The following NUP93 variants were observed in gnomAD, a reference collection of about 807,000 sequenced individuals.
NUP93 encodes the protein nucleoporin 93.
In NUP93, 55 loss-of-function variants were observed where a neutral mutation model predicts 107.8. That is an observed-to-expected ratio of 0.51 (90% CI 0.41 to 0.64). The LOEUF (loss-of-function observed/expected upper bound fraction) is 0.64. Among genes scored for constraint, NUP93 ranks in the 30% least tolerant of loss-of-function variants. The probability of loss-of-function intolerance (pLI) is 0.00; values close to 1 mark genes in which losing one functional copy is unlikely to be tolerated. For synonymous variants in NUP93, 390 were observed against 397.5 expected (o/e 0.98, Z 0.22); for missense variants, 937 against 1,044.7 (o/e 0.90, Z 1.42).
At chr16:56,823,899 T>G (rs1454902243) in intron 8 of NUP93, 53 bp downstream of exon 8, 4 of 1,592,870 alleles carry the variant, frequency 2.5e-6, no homozygotes, top group Non-Finnish European at 2.6e-6. Flanking sequence ...TGCAGTCAAC[T>G]GTTTCTCAGA....
chr16:56,753,104 G>A (rs1254019053), intron 2 of NUP93, among the ~76,000 whole-genome samples: 4 of 152,090 alleles, frequency 2.6e-5, no homozygotes, highest in African/African-American at 9.7e-5. Flanking sequence ...GATCGCCTTT[G>A]GAGAATACTA....
intron 3 of NUP93, among the ~76,000 whole-genome samples, chr16:56,771,786 T>C (rs1428266719): frequency 6.6e-6 from 1 of 152,246 alleles, no homozygotes; most frequent in Non-Finnish European, 1.5e-5. Context: ...TTTTCCTTTA[T>C]GTGACTTGGT....
chr16:56,779,142 G>C (rs1962467814), intron 3 of NUP93, among the ~76,000 whole-genome samples: 1 of 152,176 alleles, frequency 6.6e-6, no homozygotes, highest in South Asian at 2.1e-4. Flanking sequence ...TGGAGAACCT[G>C]GCAGAAGACA....
chr16:56,805,840 C>T (rs1399957599), intron 5 of NUP93, among the ~76,000 whole-genome samples: 2 of 151,978 alleles, frequency 1.3e-5, no homozygotes, highest in Admixed American at 6.6e-5. Context: ...GAGCTTTCCT[C>T]AAATTCCCTG....
At chr16:56,840,370 A>AC (rs1381110558) in intron 20 of NUP93, among the ~76,000 whole-genome samples, 1 of 152,114 alleles carries the variant, frequency 6.6e-6, no homozygotes, top group East Asian at 1.9e-4. Flanking sequence ...GTAAGCTATC[A>AC]CCCCATAAGC....
At chr16:56,749,029 A>G (rs1357001881) in intron 2 of NUP93, among the ~76,000 whole-genome samples, 2 of 152,236 alleles carry the variant, frequency 1.3e-5, no homozygotes, top group South Asian at 2.1e-4. Context: ...AAAAGTGCTG[A>G]CTGACTGAGC....
At chr16:56,780,487 GT>G (rs1359869709) in intron 3 of NUP93, among the ~76,000 whole-genome samples, 37 of 152,036 alleles carry the variant, frequency 2.4e-4, no homozygotes, top group Admixed American at 1.0e-3. Flanking sequence ...TTTACTTGGG[GT>G]TTTTTGTTTG....
chr16:56,823,251 C>G (rs767155794), intron 7 of NUP93, among the ~76,000 whole-genome samples: 5 of 152,128 alleles, frequency 3.3e-5, no homozygotes, highest in Non-Finnish European at 7.4e-5. Context: ...AGGACAAAAA[C>G]CTGTATTATT....
intron 1 of NUP93, among the ~76,000 whole-genome samples, chr16:56,738,665 AT>A (rs1448468318): frequency 1.3e-5 from 2 of 152,054 alleles, no homozygotes; most frequent in East Asian, 1.9e-4. Context: ...TCAAGATTTA[AT>A]TTTTTTGGGG....
intron 3 of NUP93, chr16:56,783,980 G>T (rs960799528): frequency 1.3e-6 from 1 of 762,172 alleles, no homozygotes. Context: ...AAAGTGTAAC[G>T]CAGAGGTTCT....
At chr16:56,834,478 T>C (rs998308992) in intron 15 of NUP93, 36 bp downstream of exon 15, 2 of 1,603,164 alleles carry the variant, frequency 1.2e-6, no homozygotes, top group Non-Finnish European at 1.7e-6. Context: ...CCCCATGGTT[T>C]TCAGTGTGCA....
At chr16:56,764,645 T>A (rs1962186609) in intron 3 of NUP93, among the ~76,000 whole-genome samples, 1 of 152,214 alleles carries the variant, frequency 6.6e-6, no homozygotes, top group Non-Finnish European at 1.5e-5. Flanking sequence ...ACTAATTGGA[T>A]GTTTGTAGTA....
chr16:56,824,172 C>T (rs1963609520), intron 8 of NUP93, among the ~76,000 whole-genome samples: 1 of 152,158 alleles, frequency 6.6e-6, no homozygotes, highest in Non-Finnish European at 1.5e-5. Flanking sequence ...TAATGTGGTT[C>T]AGCCATTACT....
rs1198555101 is a variant in NUP93, at chr16:56,805,489, G to C, written c.361-15G>C. 5.0e-6 allele frequency: 8 copies of C among 1,613,348 alleles called. No individual in the cohort carries two copies. The highest frequency in any genetic ancestry group is 6.8e-6 in the Non-Finnish European group (8 of 1,179,596). On this transcript the variant is annotated splice_polypyrimidine_tract_variant and intron_variant, in intron 4 of 21. Transcript: ENST00000308159. Reference sequence around the variant, plus strand: ...TTTTTCCTGAGGGTCATTGTTCTCTGTTCCTTTCTGGCAGACCTTCGGCAT... The same window carrying C: ...TTTTTCCTGAGGGTCATTGTTCTCTCTTCCTTTCTGGCAGACCTTCGGCAT...
At position 56,834,440 on chromosome 16, in the gene NUP93, G is replaced by C; in HGVS notation, c.1735G>C (p.Glu579Gln). ...CVSELVIESR[E>Q]FDMILGKLEN... The stretch of plus-strand genomic sequence containing the variant: ...GAGTGAGCTTGTGATTGAAAGCCGA[G>C]AGGTGAGTGGGTTTCCTTTTCTCTC... Residue 579 changes from glutamate (E) to glutamine (Q), a missense_variant and splice_region_variant, in exon 15 of 22, where the codon GAG becomes CAG. Physicochemically the swap from Glu to Gln is conservative, Grantham distance 29 (BLOSUM62 2). Transcript: ENST00000308159. The C allele has an allele frequency of 6.2e-7, 1 of 1,614,170 alleles. No individual in the cohort carries two copies. The highest frequency in any genetic ancestry group is 1.7e-5 in the Admixed American group (1 of 60,034).
At chr16:56,843,891 G>A (rs1964072429) in intron 21 of NUP93, among the ~76,000 whole-genome samples, 1 of 152,138 alleles carries the variant, frequency 6.6e-6, no homozygotes, top group African/African-American at 2.4e-5. Context: ...TAAATTTGTA[G>A]GGCCACCTTT....
intron 3 of NUP93, among the ~76,000 whole-genome samples, chr16:56,762,895 T>G (rs1347632478): frequency 2.0e-5 from 3 of 152,174 alleles, no homozygotes; most frequent in Admixed American, 1.3e-4. Context: ...TCCTTGTGTG[T>G]GTCAGGTCTA....
intron 3 of NUP93, among the ~76,000 whole-genome samples, chr16:56,764,802 A>G (rs1962189267): frequency 6.6e-6 from 1 of 152,224 alleles, no homozygotes; most frequent in African/African-American, 2.4e-5. Flanking sequence ...AAGTGCAGTA[A>G]AATTTCTTAG....
Position 56,834,780 on chromosome 16 carries a change from T to G in NUP93, c.1782+2T>G. On this transcript the variant is annotated splice_donor_variant, in intron 16 of 21. Transcript: ENST00000308159. LOFTEE classifies it high-confidence loss of function. ...CTAGAGAATGACGGAAGTAGAAAGGTGAGTTAAATGCATCCTTAGAGAAAT... is the reference window on the plus strand; with the variant it reads ...CTAGAGAATGACGGAAGTAGAAAGGGGAGTTAAATGCATCCTTAGAGAAAT... 6.2e-7 allele frequency: 1 copy of G among 1,606,242 alleles called. No individual in the cohort carries two copies. Among genetic ancestry groups the G allele is most frequent in the East Asian group, 2.2e-5 (1 of 44,780 alleles).
Sources: allele counts gnomAD v4.1 joint callset (sites outside exome capture counted in the v4.1 genomes callset), GRCh38; gene constraint gnomAD v4.1.1; transcripts MANE v1.5; gene names NCBI Gene and HGNC (gene_info 2026-07-23, HGNC 2026-07-21).